The following CNTNAP2 variants were observed in gnomAD, a reference collection of about 807,000 sequenced individuals.
The protein encoded by CNTNAP2 is contactin associated protein 2.
In CNTNAP2, 98 loss-of-function variants were observed where a neutral mutation model predicts 155.2. The ratio of observed to expected loss-of-function variants is 0.63; its 90% CI spans 0.54 to 0.75. CNTNAP2 has a LOEUF of 0.75. Ranked by LOEUF, CNTNAP2 falls within the 30% of genes least tolerant of loss-of-function variation. The pLI is 0.00. For missense variants in CNTNAP2, 1,727 were observed against 1,688.1 expected, an observed-to-expected ratio of 1.02 and a Z score of -0.40; for synonymous variants, 651 against 631.2, an observed-to-expected ratio of 1.03 and a Z score of -0.47.
chr7:147,428,306 ACTAACTTTGCAGCCTTTTTTTT>A (rs376920003), intron 10 of CNTNAP2, among the ~76,000 whole-genome samples: 48 of 152,274 alleles, frequency 3.2e-4, no homozygotes, highest in African/African-American at 1.2e-3. Flanking sequence ...CTTTGCCCTT[ACTAACTTTGCAGCCTTTTTTTT>A]CAGTTAGTAA....
intron 1 of CNTNAP2, among the ~76,000 whole-genome samples, chr7:146,593,795 C>A (rs1303139065): frequency 1.3e-5 from 2 of 152,204 alleles, no homozygotes; most frequent in Non-Finnish European, 2.9e-5. Flanking sequence ...TCCAATCAGG[C>A]TTCCCTGAAC....
At chr7:147,025,217 CG>C (rs1446131350) in intron 3 of CNTNAP2, among the ~76,000 whole-genome samples, 1 of 140,920 alleles carries the variant, frequency 7.1e-6, no homozygotes, top group East Asian at 2.1e-4. Flanking sequence ...ACCCGGGAAG[CG>C]GATGTTTCAG....
chr7:147,910,316 T>C (rs530204801), intron 14 of CNTNAP2, among the ~76,000 whole-genome samples: 1 of 152,356 alleles, frequency 6.6e-6, no homozygotes, highest in Non-Finnish European at 1.5e-5. Context: ...TCAGCCACTG[T>C]TCATGTATGT....
At chr7:147,180,492 A>C (rs1299387970) in intron 8 of CNTNAP2, among the ~76,000 whole-genome samples, 1 of 152,120 alleles carries the variant, frequency 6.6e-6, no homozygotes, top group East Asian at 1.9e-4. Context: ...TACCAACTTA[A>C]AATAGGAGAA....
chr7:147,469,523 TTTTTTTTTTC>T (rs1228286813), intron 10 of CNTNAP2, among the ~76,000 whole-genome samples: 7 of 85,290 alleles, frequency 8.2e-5, no homozygotes, highest in East Asian at 3.6e-4. Context: ...TTTTTTTTTT[TTTTTTTTTTC>T]TGTGAGACAA....
intron 11 of CNTNAP2, among the ~76,000 whole-genome samples, chr7:147,506,504 C>T (rs575825640): frequency 6.6e-6 from 1 of 152,214 alleles, no homozygotes; most frequent in Non-Finnish European, 1.5e-5. Flanking sequence ...ATCCACCTGC[C>T]TCGGCCTCCC....
chr7:146,239,430 T>G (rs1374685152), intron 1 of CNTNAP2, among the ~76,000 whole-genome samples: 1 of 152,162 alleles, frequency 6.6e-6, no homozygotes, highest in African/African-American at 2.4e-5. Context: ...CTAATAACCC[T>G]GAAATAGTCG....
At chr7:147,856,347 G>A (rs1563113065) in intron 13 of CNTNAP2, among the ~76,000 whole-genome samples, 3 of 152,146 alleles carry the variant, frequency 2.0e-5, no homozygotes, top group Admixed American at 6.5e-5. Context: ...GGACTCATGT[G>A]TGCCCTGGCA....
At chr7:146,444,802 T>G (rs964547809) in intron 1 of CNTNAP2, among the ~76,000 whole-genome samples, 9 of 151,766 alleles carry the variant, frequency 5.9e-5, no homozygotes, top group African/African-American at 2.2e-4. Context: ...GGATTACAGG[T>G]GCCTGCCACC....
chr7:148,129,167 C>G (rs150382525), intron 16 of CNTNAP2, among the ~76,000 whole-genome samples: 3,534 of 152,246 alleles, frequency 0.023, 55 homozygotes, highest in Middle Eastern at 0.044. Context: ...CACAGGCTCC[C>G]CAAGACCTCA....
At chr7:147,357,638 G>A (rs10500179) in intron 9 of CNTNAP2, among the ~76,000 whole-genome samples, 2 of 151,932 alleles carry the variant, frequency 1.3e-5, no homozygotes, top group East Asian at 3.9e-4. Flanking sequence ...CCTATCCCAC[G>A]TGTGACTTAC....
chr7:147,086,539 A>G (rs1377313262), intron 4 of CNTNAP2, among the ~76,000 whole-genome samples: 1 of 151,990 alleles, frequency 6.6e-6, no homozygotes, highest in Admixed American at 6.6e-5. Flanking sequence ...TGGCTCAGTC[A>G]GTAATCCCAC....
chr7:146,930,464 G>T (rs976839661), intron 3 of CNTNAP2, among the ~76,000 whole-genome samples: 3 of 152,122 alleles, frequency 2.0e-5, no homozygotes, highest in African/African-American at 4.8e-5. Flanking sequence ...GGAACAACTG[G>T]TACCAGCCAC....
chr7:146,597,054 A>G (rs958718972), intron 1 of CNTNAP2, among the ~76,000 whole-genome samples: 2 of 152,050 alleles, frequency 1.3e-5, no homozygotes, highest in Non-Finnish European at 2.9e-5. Flanking sequence ...AAAGGCATAC[A>G]TCCCTTTAGA....
intron 3 of CNTNAP2, among the ~76,000 whole-genome samples, chr7:146,968,033 T>C (rs917936064): frequency 2.1e-5 from 3 of 145,424 alleles, no homozygotes; most frequent in Admixed American, 6.8e-5. Context: ...GTGTTGAATT[T>C]TGTCAAAGGC....
intron 11 of CNTNAP2, among the ~76,000 whole-genome samples, chr7:147,493,719 C>T (rs1445245074): frequency 1.3e-5 from 2 of 152,134 alleles, no homozygotes; most frequent in African/African-American, 4.8e-5. Context: ...TAGAATCTAG[C>T]TTGGCATTTT....
At chr7:147,361,751 TACTC>T (rs925855551) in intron 9 of CNTNAP2, among the ~76,000 whole-genome samples, 1 of 152,180 alleles carries the variant, frequency 6.6e-6, no homozygotes, top group African/African-American at 2.4e-5. Flanking sequence ...AAGATAAACT[TACTC>T]AATAAGATAA....
Position 146,973,274 on chromosome 7 carries a change from C to T in CNTNAP2, c.403-70633C>T, listed in dbSNP as rs574514338. Among the ~76,000 whole-genome samples, 461 of 152,212 alleles carry T rather than the reference C, an allele frequency of 3.0e-3. 5 individuals carry two copies. The highest frequency in any genetic ancestry group is 0.01 in the African/African-American group (432 of 41,554). ...AACTCCTGACCTCAGGTGATCCACC[C>T]GCCTCAGCCTCCCAAAGTGCTGAGA... On this transcript the variant is annotated intron_variant, in intron 3 of 23. Coordinates refer to ENST00000361727, the MANE Select transcript of CNTNAP2 (RefSeq NM_014141.6).
Position 148,072,028 on chromosome 7 carries a change from T to C in CNTNAP2, c.2384-46090T>C, listed in dbSNP as rs10242532. ...TATTAGTTAATCATGTAAACAATTA[T>C]CTTTCTTTTCAGGTGGCAATAATTC... On this transcript the variant is annotated intron_variant, in intron 15 of 23. Transcript: ENST00000361727. Among the ~76,000 whole-genome samples, 4,109 of 152,300 alleles carry C rather than the reference T, an allele frequency of 0.027. 278 individuals carry two copies. The East Asian group carries it at 0.28, about 10-fold the overall frequency.
Sources: gnomAD v4.1 joint callset for allele counts (sites outside exome capture counted in the v4.1 genomes callset) on GRCh38, gnomAD v4.1.1 for gene constraint, MANE v1.5 for transcripts, NCBI Gene and HGNC (gene_info 2026-07-23, HGNC 2026-07-21) for gene names.